Variants in MYO18A observed in about 807,000 individuals in gnomAD.
MYO18A encodes the protein myosin XVIIIA.
In MYO18A, 78 loss-of-function variants were observed where a neutral mutation model predicts 235.8. The observed-to-expected ratio is 0.33, with a 90% confidence interval of 0.28 to 0.40. MYO18A has a LOEUF of 0.40. Ranked by LOEUF, MYO18A falls within the 10% of genes least tolerant of loss-of-function variation. MYO18A has a pLI of 1.00. For synonymous variants in MYO18A, 977 were observed against 1,077.8 expected, an observed-to-expected ratio of 0.91 and a Z score of 1.83; for missense variants, 2,215 against 2,699.3, an observed-to-expected ratio of 0.82 and a Z score of 3.98.
chr17:29,075,530 G>A (rs1448005235), intron 41 of MYO18A: 3 of 167,170 alleles, frequency 1.8e-5, no homozygotes, highest in African/African-American at 7.2e-5. Flanking sequence ...AGGCTGGGAA[G>A]ACCTGTTTTA....
intron 2 of MYO18A, among the ~76,000 whole-genome samples, chr17:29,160,659 A>G (rs754902105): frequency 5.3e-5 from 8 of 152,222 alleles, no homozygotes; most frequent in African/African-American, 1.7e-4. Flanking sequence ...TTCTGGCTCC[A>G]AAGCCCATGC....
chr17:29,137,709 C>T lies in MYO18A; in HGVS notation c.1000-15456G>A, dbSNP rs957618849. Among the ~76,000 whole-genome samples the T allele has an allele frequency of 2.0e-5, 3 of 152,054 alleles. No individual in the cohort carries two copies. The East Asian group carries it at 5.8e-4, about 29-fold the overall frequency. ...TTAGGTACAACCCGTTGTTGTATTG[C>T]CATTTAAACTGACAAATGTGTGGAC... is the stretch of plus-strand genomic sequence containing the variant. On this transcript the variant is annotated intron_variant, in intron 2 of 41. Transcript: ENST00000527372.
At chr17:29,079,010 C>T (rs2066052776) in intron 41 of MYO18A, among the ~76,000 whole-genome samples, 1 of 152,130 alleles carries the variant, frequency 6.6e-6, no homozygotes, top group Admixed American at 6.5e-5. Context: ...CCCTGGGAGC[C>T]TTGTACTCCT....
At chr17:29,128,565 G>A (rs1202420105) in intron 2 of MYO18A, 3 of 1,215,516 alleles carry the variant, frequency 2.5e-6, no homozygotes, top group African/African-American at 1.6e-5. Context: ...ACAAATACAG[G>A]TAGACATTAG....
chr17:29,110,868 T>C (rs1005347572), intron 17 of MYO18A, among the ~76,000 whole-genome samples: 1 of 152,286 alleles, frequency 6.6e-6, no homozygotes, highest in Admixed American at 6.5e-5. Flanking sequence ...ACAGAGGGGA[T>C]CAATCTACTC....
At position 29,140,291 on chromosome 17, in the gene MYO18A, ATGAGGAGCC is replaced by A; in HGVS notation, c.1000-18047_1000-18039del. On this transcript the variant is annotated intron_variant, in intron 2 of 41. Transcript: ENST00000527372. This position sits in a 1 kb window ranked among gnomAD's most constrained non-coding sequence, Gnocchi z 4.2. Reference sequence around the variant, plus strand: ...CTCCTTTCCTAAATGAGGAAATAGCATGAGGAGCCTGGGACATTTCCGGGGTGGGGGGTC... The same window carrying A: ...CTCCTTTCCTAAATGAGGAAATAGCATGGGACATTTCCGGGGTGGGGGGTC... 1 of 1,171,846 alleles carries A rather than the reference ATGAGGAGCC, an allele frequency of 8.5e-7. No individual in the cohort carries two copies. The highest frequency in any genetic ancestry group is 1.1e-6 in the Non-Finnish European group (1 of 918,558). The allele number at this position is 1,171,846 out of a possible 1,614,324, so 72.6% of individuals were successfully genotyped here. A position where few individuals can be genotyped will look rare whatever the true frequency, so the allele number is the denominator to read the frequency against.
chr17:29,135,997 G>A (rs2067588072), intron 2 of MYO18A, among the ~76,000 whole-genome samples: 1 of 152,178 alleles, frequency 6.6e-6, no homozygotes, highest in African/African-American at 2.4e-5. Context: ...GGAGGCTGAG[G>A]TGGGTGGATT....
intron 11 of MYO18A, among the ~76,000 whole-genome samples, 192 bp downstream of exon 11, chr17:29,116,252 A>C (rs1449230117): frequency 6.6e-6 from 1 of 152,184 alleles, no homozygotes; most frequent in African/African-American, 2.4e-5. Context: ...ACATTCCCTG[A>C]GTACATTAGA....
chr17:29,101,895 A>C (rs1266139641), intron 21 of MYO18A, among the ~76,000 whole-genome samples: 1 of 152,184 alleles, frequency 6.6e-6, no homozygotes, highest in Non-Finnish European at 1.5e-5. Flanking sequence ...TCTCCTCCCC[A>C]GAAAACACAT....
At chr17:29,173,769 GAA>G (rs544963663) in intron 1 of MYO18A, among the ~76,000 whole-genome samples, 37 of 146,582 alleles carry the variant, frequency 2.5e-4, no homozygotes, top group African/African-American at 8.4e-4. Flanking sequence ...TGGTATCTGT[GAA>G]AAAAAAAAAT....
chr17:29,148,636 T>C, intron 2 of MYO18A, among the ~76,000 whole-genome samples: 1 of 150,886 alleles, frequency 6.6e-6, no homozygotes, highest in Middle Eastern at 3.2e-3. Context: ...AAATGTCACC[T>C]CGTATGAAAC....
intron 21 of MYO18A, among the ~76,000 whole-genome samples, chr17:29,102,702 G>A (rs1355378126): frequency 6.6e-6 from 1 of 152,216 alleles, no homozygotes; most frequent in Non-Finnish European, 1.5e-5. Flanking sequence ...ACACAGAGAT[G>A]GGAGCGATTG....
At chr17:29,081,686 GC>G (rs1229914171) in intron 41 of MYO18A, among the ~76,000 whole-genome samples, 7 of 152,176 alleles carry the variant, frequency 4.6e-5, no homozygotes, top group Non-Finnish European at 8.8e-5. Context: ...TGCCACACTG[GC>G]CAGTAGGAAA....
chr17:29,171,660 C>T lies in MYO18A; in HGVS notation c.-81-4639G>A, dbSNP rs540471343. 3.3e-5 allele frequency among the ~76,000 whole-genome samples: 5 copies of T among 152,034 alleles called. No homozygotes were observed. In the East Asian group the frequency reaches 7.7e-4, roughly 23 times the overall value. On this transcript the variant is annotated intron_variant, in intron 1 of 41. Transcript: ENST00000527372. ...CTATAATCCCAACACTTTGGGAGGC[C>T]GAGACGGGCAGATCGCTTGAGCTCA...
chr17:29,089,399 G>A (rs1183570637), intron 37 of MYO18A, among the ~76,000 whole-genome samples: 11 of 105,202 alleles, frequency 1.0e-4, no homozygotes, highest in African/African-American at 3.4e-4. Flanking sequence ...CAAGCCTGGC[G>A]ACAGAGTGAG....
At chr17:29,082,983 G>A (rs9892432) in intron 40 of MYO18A, among the ~76,000 whole-genome samples, 24,722 of 150,972 alleles carry the variant, frequency 0.16, 2,065 homozygotes, top group South Asian at 0.27. Context: ...GTGGATGGCA[G>A]CACCAACCTG....
Position 29,093,322 on chromosome 17 carries a change from C to A in MYO18A, c.4926+1G>T. 1 of 1,609,832 alleles carries A rather than the reference C, an allele frequency of 6.2e-7. No individual in the cohort carries two copies. The highest frequency in any genetic ancestry group is 8.5e-7 in the Non-Finnish European group (1 of 1,178,628). On this transcript the variant is annotated splice_donor_variant, in intron 32 of 41. Coordinates refer to ENST00000527372, the MANE Select transcript of MYO18A (RefSeq NM_078471.4). LOFTEE classifies it high-confidence loss of function. ...GCTTGGTGGGTGGAGCATCCCCTGA[C>A]CTGGTCGCTGAGGGTGGCGAGCTTG...
chr17:29,127,767 C>T (rs779146015), intron 2 of MYO18A: 12 of 807,098 alleles, frequency 1.5e-5, no homozygotes, highest in Non-Finnish European at 1.8e-5. Flanking sequence ...TCGCTGAGGT[C>T]GCTTGGGGAA....
chr17:29,169,258 G>A (rs1352634312), intron 1 of MYO18A, among the ~76,000 whole-genome samples: 2 of 152,086 alleles, frequency 1.3e-5, no homozygotes, highest in Non-Finnish European at 2.9e-5. Context: ...CACCGTGTTA[G>A]CCAGGATGGT....
Sources: gnomAD v4.1 joint callset for allele counts (sites outside exome capture counted in the v4.1 genomes callset) on GRCh38, gnomAD v4.1.1 for gene constraint, Gnocchi (gnomAD v3.1) non-coding constraint, MANE v1.5 for transcripts, NCBI Gene and HGNC (gene_info 2026-07-23, HGNC 2026-07-21) for gene names.